Variants in PSD3 observed in about 807,000 individuals in gnomAD.
The protein encoded by PSD3 is PH and SEC7 domain-containing protein 3.
Under a neutral mutation model 105.5 loss-of-function variants are expected in PSD3, and 49 were observed. The ratio of observed to expected loss-of-function variants is 0.46; its 90% CI spans 0.37 to 0.59. The LOEUF (loss-of-function observed/expected upper bound fraction) is 0.59. PSD3 is among the 20% of genes least tolerant of loss of function. The pLI is 0.00. For synonymous variants in PSD3, 557 were observed against 457.8 expected (o/e 1.22, Z -2.77); for missense variants, 1,561 against 1,263.8 (o/e 1.24, Z -3.57).
chr8:19,018,297 A>T (rs1008679573), upstream of PSD3, among the ~76,000 whole-genome samples: 1 of 152,132 alleles, frequency 6.6e-6, no homozygotes, highest in African/African-American at 2.4e-5. Context: ...TCTTTCATAT[A>T]TAACTGTAGG....
At position 18,706,383 on chromosome 8, in the gene PSD3, T is replaced by C. The variant is rs143469572; in HGVS notation, c.2173-50698A>G. Reference sequence around the variant, plus strand: ...TCCTAATTGTTCTATTATAACTATGTATTACACAAACACACATTGGTTAAA... The same window carrying C: ...TCCTAATTGTTCTATTATAACTATGCATTACACAAACACACATTGGTTAAA... On this transcript the variant is annotated intron_variant, in intron 9 of 15. Transcript: ENST00000327040. 3.8e-4 allele frequency among the ~76,000 whole-genome samples: 58 copies of C among 152,314 alleles called. 1 individual carries two copies. The Middle Eastern group carries it at 0.024, about 63-fold the overall frequency.
At chr8:18,968,189 C>T (rs1824406099) in intron 1 of PSD3, among the ~76,000 whole-genome samples, 1 of 152,144 alleles carries the variant, frequency 6.6e-6, no homozygotes, top group Non-Finnish European at 1.5e-5. Context: ...CAGCCACTGG[C>T]TTCAATTAAG....
chr8:18,623,981 C>G (rs1806306774), intron 11 of PSD3, among the ~76,000 whole-genome samples: 1 of 152,144 alleles, frequency 6.6e-6, no homozygotes, highest in Non-Finnish European at 1.5e-5. Context: ...ACGTGGAACT[C>G]TAGCTCCTTC....
At chr8:18,931,122 A>G (rs1554545446) in intron 2 of PSD3, among the ~76,000 whole-genome samples, 1 of 149,760 alleles carries the variant, frequency 6.7e-6, no homozygotes, top group South Asian at 2.1e-4. Flanking sequence ...TCTTTTGCCC[A>G]TTTTTTTTTC....
At chr8:18,566,863 G>C (rs1801801277) in intron 14 of PSD3, among the ~76,000 whole-genome samples, 1 of 152,018 alleles carries the variant, frequency 6.6e-6, no homozygotes, top group South Asian at 2.1e-4. Context: ...TTCTATTTTT[G>C]GTTCCAGTGT....
At chr8:18,543,719 T>A (rs1387970033) in intron 15 of PSD3, among the ~76,000 whole-genome samples, 3 of 151,988 alleles carry the variant, frequency 2.0e-5, no homozygotes, top group Non-Finnish European at 4.4e-5. Context: ...TAAATAAAAA[T>A]TATCGTGTCT....
chr8:19,074,613 T>A (rs200885132), intron 1 of PSD3, among the ~76,000 whole-genome samples: 287 of 6,256 alleles, frequency 0.046, 1 homozygote, highest in Middle Eastern at 0.17. Flanking sequence ...ATATATATAT[T>A]TTTTTTTTTT....
intron 1 of PSD3, among the ~76,000 whole-genome samples, chr8:18,999,339 G>A (rs1826247509): frequency 1.3e-5 from 2 of 151,962 alleles, no homozygotes; most frequent in Non-Finnish European, 1.5e-5. Context: ...GCTGCTCACA[G>A]CTGGTGACAG....
intron 1 of PSD3, among the ~76,000 whole-genome samples, chr8:19,064,595 C>T (rs1373597382): frequency 1.3e-5 from 2 of 152,126 alleles, no homozygotes; most frequent in Non-Finnish European, 2.9e-5. Flanking sequence ...AAACGCTGCT[C>T]AGCAGATTAA....
At chr8:18,612,182 C>G (rs1259646312) in intron 11 of PSD3, among the ~76,000 whole-genome samples, 1 of 152,182 alleles carries the variant, frequency 6.6e-6, no homozygotes, top group Non-Finnish European at 1.5e-5. Context: ...CATATATAAG[C>G]AAGACCTTAA....
chr8:18,555,944 CT>C (rs1482491751), intron 15 of PSD3, among the ~76,000 whole-genome samples: 1 of 152,134 alleles, frequency 6.6e-6, no homozygotes, highest in East Asian at 1.9e-4. Context: ...TTTTCTTCCC[CT>C]CACAGCGGGC....
At chr8:18,742,155 C>T (rs923066769) in intron 9 of PSD3, among the ~76,000 whole-genome samples, 11 of 152,132 alleles carry the variant, frequency 7.2e-5, no homozygotes, top group Admixed American at 1.3e-4. Context: ...AAAGTTTCAC[C>T]TTTTGTTCTA....
chr8:18,641,381 A>G (rs1342197264), intron 10 of PSD3, among the ~76,000 whole-genome samples: 2 of 152,136 alleles, frequency 1.3e-5, no homozygotes, highest in African/African-American at 4.8e-5. Flanking sequence ...TATCATGATG[A>G]TTAAGACCCC....
intron 1 of PSD3, among the ~76,000 whole-genome samples, chr8:19,021,579 G>A (rs1326864810): frequency 6.7e-6 from 1 of 149,924 alleles, no homozygotes; most frequent in African/African-American, 2.5e-5. Flanking sequence ...AAAACCCATA[G>A]CTTCTTGGAA....
intron 2 of PSD3, among the ~76,000 whole-genome samples, chr8:18,912,075 A>T (rs1409901831): frequency 1.3e-5 from 2 of 152,192 alleles, no homozygotes; most frequent in Admixed American, 1.3e-4. Context: ...TCAACCCACT[A>T]GACCAGGTTT....
chr8:18,574,587 A>T (rs1802358864), intron 13 of PSD3, among the ~76,000 whole-genome samples: 2 of 152,130 alleles, frequency 1.3e-5, no homozygotes, highest in African/African-American at 2.4e-5. Context: ...TAGTATAATC[A>T]TGGACTACTA....
intron 8 of PSD3, among the ~76,000 whole-genome samples, chr8:18,792,061 A>C (rs1007256609): frequency 3.9e-5 from 6 of 152,156 alleles, no homozygotes; most frequent in African/African-American, 1.4e-4. Flanking sequence ...AAAGTCAAAA[A>C]ACAACAGATG....
intron 10 of PSD3, among the ~76,000 whole-genome samples, chr8:18,641,859 T>G (rs1272705336): frequency 6.6e-6 from 1 of 150,558 alleles, no homozygotes; most frequent in Non-Finnish European, 1.5e-5. Flanking sequence ...CATCACATTA[T>G]ACCACGAGGC....
intron 9 of PSD3, among the ~76,000 whole-genome samples, chr8:18,678,489 T>A (rs1800193728): frequency 6.6e-6 from 1 of 152,256 alleles, no homozygotes; most frequent in Non-Finnish European, 1.5e-5. Context: ...AAAACTGTTC[T>A]CTTCGCCTTG....
Sources: gnomAD v4.1 joint callset for allele counts (sites outside exome capture counted in the v4.1 genomes callset) on GRCh38, gnomAD v4.1.1 for gene constraint, MANE v1.5 for transcripts, NCBI Gene and HGNC (gene_info 2026-07-23, HGNC 2026-07-21) for gene names.